The following RBFOX2 variants were observed in gnomAD, a reference collection of about 807,000 sequenced individuals.
The protein encoded by RBFOX2 is RNA binding fox-1 homolog 2, also known as RNA binding protein fox-1 homolog 2.
Under a neutral mutation model 49.1 loss-of-function variants are expected in RBFOX2, and 10 were observed. The ratio of observed to expected loss-of-function variants is 0.20; its 90% CI spans 0.13 to 0.35. The LOEUF (loss-of-function observed/expected upper bound fraction) is 0.35, where lower values mean the gene tolerates loss of function less well. RBFOX2 is among the 10% of genes least tolerant of loss of function. The probability of loss-of-function intolerance (pLI) is 1.00; values close to 1 mark genes in which losing one functional copy is unlikely to be tolerated. For synonymous variants in RBFOX2, 183 were observed against 187.4 expected (o/e 0.98, Z 0.19); for missense variants, 323 against 486.9 (o/e 0.66, Z 3.17).
chr22:35,835,479 G>A (rs1379345603), intron 1 of RBFOX2, among the ~76,000 whole-genome samples: 2 of 123,436 alleles, frequency 1.6e-5, no homozygotes, highest in Non-Finnish European at 3.6e-5. Context: ...GAATTTCTCA[G>A]GGGAGAACAG....
chr22:35,938,444 TG>T (rs1450079030), intron 1 of RBFOX2, among the ~76,000 whole-genome samples: 1 of 152,120 alleles, frequency 6.6e-6, no homozygotes, highest in Non-Finnish European at 1.5e-5. Flanking sequence ...GGGAGGAGAA[TG>T]GAATTTTCTT....
chr22:35,963,534 C>T (rs533761167), upstream of RBFOX2, among the ~76,000 whole-genome samples: 55 of 152,226 alleles, frequency 3.6e-4, no homozygotes, highest in African/African-American at 1.3e-3. Context: ...TCTGAGAGTG[C>T]CCATCAACTC....
rs2043599734 is a variant in RBFOX2, at chr22:35,865,710, T to TTTA, written c.-33-55707_-33-55706insTAA. On this transcript the variant is annotated intron_variant, in intron 1 of 13. Coordinates refer to the RBFOX2 transcript ENST00000359369. ...ACATTTAGCTGCAAATAGATGAGTATGATTACACAGTGTTGCCTCTTACCC... is the reference window on the plus strand; with the variant it reads ...ACATTTAGCTGCAAATAGATGAGTATTTAGATTACACAGTGTTGCCTCTTACCC... Among the ~76,000 whole-genome samples, 4 of 152,280 alleles carry TTTA rather than the reference T, an allele frequency of 2.6e-5. No individual in the cohort carries two copies. In the South Asian group the frequency reaches 8.3e-4, roughly 32 times the overall value.
chr22:35,921,901 C>G (rs905430607), intron 1 of RBFOX2, among the ~76,000 whole-genome samples: 2 of 152,196 alleles, frequency 1.3e-5, no homozygotes, highest in African/African-American at 4.8e-5. Context: ...TGGGTGCCCT[C>G]TGTTGACAAA....
intron 2 of RBFOX2, among the ~76,000 whole-genome samples, chr22:35,783,938 C>A (rs541810611): frequency 6.6e-6 from 1 of 152,176 alleles, no homozygotes; most frequent in Admixed American, 6.5e-5. Flanking sequence ...GACAGGCACA[C>A]CCCCCTGAAA....
At chr22:35,782,459 C>T (rs916441030) in intron 2 of RBFOX2, among the ~76,000 whole-genome samples, 2 of 152,046 alleles carry the variant, frequency 1.3e-5, no homozygotes, top group Non-Finnish European at 2.9e-5. Flanking sequence ...GTAGCTGGGA[C>T]GATAGGTGCC....
At chr22:35,985,941 TAG>T (rs2150083959) in intron 1 of RBFOX2, among the ~76,000 whole-genome samples, 1 of 144,660 alleles carries the variant, frequency 6.9e-6, no homozygotes, top group South Asian at 2.2e-4. Flanking sequence ...GATAGATAGA[TAG>T]ATAGATAGAT....
intron 1 of RBFOX2, among the ~76,000 whole-genome samples, chr22:36,023,002 T>G (rs1434370416): frequency 1.3e-5 from 2 of 152,050 alleles, no homozygotes; most frequent in African/African-American, 4.8e-5. Context: ...CCAAGGACAC[T>G]GGGACAGGGA....
At chr22:35,761,809 T>C (rs1014712939) in intron 6 of RBFOX2, among the ~76,000 whole-genome samples, 1 of 152,106 alleles carries the variant, frequency 6.6e-6, no homozygotes, top group Non-Finnish European at 1.5e-5. Flanking sequence ...ATCCTTCATT[T>C]AAAAAAAGAA....
intron 1 of RBFOX2, among the ~76,000 whole-genome samples, chr22:35,886,188 C>T (rs117243167): frequency 0.021 from 3,258 of 152,188 alleles, 39 homozygotes; most frequent in Middle Eastern, 0.037. Flanking sequence ...CACTTTGCTA[C>T]CCAGACAGTT....
intron 10 of RBFOX2, 81 bp from the exon 13 acceptor site, chr22:35,746,076 C>A (rs1483789437): frequency 2.2e-5 from 27 of 1,218,400 alleles, no homozygotes; most frequent in Non-Finnish European, 3.0e-5. Context: ...TGCTTTAAGA[C>A]TTGTGAGTCA....
intron 1 of RBFOX2, among the ~76,000 whole-genome samples, chr22:35,882,661 T>C (rs1306891922): frequency 2.0e-5 from 3 of 152,252 alleles, no homozygotes; most frequent in Middle Eastern, 3.4e-3. Context: ...TAGGACCTAG[T>C]ATACAACTGG....
intron 1 of RBFOX2, among the ~76,000 whole-genome samples, chr22:35,866,454 A>G (rs913054246): frequency 1.3e-5 from 2 of 152,200 alleles, no homozygotes; most frequent in Non-Finnish European, 2.9e-5. Context: ...TAGACATACT[A>G]TTATTTAATT....
intron 1 of RBFOX2, among the ~76,000 whole-genome samples, chr22:35,880,502 G>A (rs527461250): frequency 1.3e-5 from 2 of 152,246 alleles, no homozygotes; most frequent in East Asian, 3.9e-4. Flanking sequence ...TGAGAGCCAA[G>A]AACATACAGA....
chr22:35,898,138 C>A, intron 1 of RBFOX2: 1 of 744,426 alleles, frequency 1.3e-6, no homozygotes, highest in East Asian at 2.6e-5. Flanking sequence ...CATGATGTCA[C>A]ATGTATCACA....
rs59038857 is a variant in RBFOX2, at chr22:35,934,386, G to A, written c.-34+4461C>T. ...CAACCAATTGTTTAGATTAACCCAC[G>A]GCCTACTAGTTCTGATCACTTTGGT... is the stretch of plus-strand genomic sequence containing the variant. On this transcript the variant is annotated intron_variant, in intron 1 of 13. Transcript: ENST00000359369. 3.5e-3 allele frequency among the ~76,000 whole-genome samples: 534 copies of A among 151,796 alleles called. 1 individual carries two copies. The highest frequency in any genetic ancestry group is 0.011 in the African/African-American group (474 of 41,428).
At chr22:35,945,224 G>A (rs2054144958) in intron 1 of RBFOX2, among the ~76,000 whole-genome samples, 1 of 152,134 alleles carries the variant, frequency 6.6e-6, no homozygotes, top group Non-Finnish European at 1.5e-5. Context: ...TCTAATAACA[G>A]AAGGAAACAG....
intron 1 of RBFOX2, among the ~76,000 whole-genome samples, chr22:35,884,239 C>T (rs561646851): frequency 8.5e-5 from 13 of 152,154 alleles, no homozygotes; most frequent in African/African-American, 2.7e-4. Context: ...TCAAGCGATC[C>T]GCCTGCCTCG....
intron 1 of RBFOX2, among the ~76,000 whole-genome samples, chr22:35,946,348 G>A (rs1010124830): frequency 1.3e-5 from 2 of 152,144 alleles, no homozygotes; most frequent in Non-Finnish European, 2.9e-5. Flanking sequence ...AAGGTTGGAC[G>A]GAACCTTGGG....
Sources: gnomAD v4.1 joint callset for allele counts (sites outside exome capture counted in the v4.1 genomes callset) on GRCh38, gnomAD v4.1.1 for gene constraint, MANE v1.5 for transcripts, NCBI Gene and HGNC (gene_info 2026-07-23, HGNC 2026-07-21) for gene names.